The following PLAGL1 variants were observed in gnomAD, a reference collection of about 807,000 sequenced individuals.
PLAGL1 encodes zinc finger protein PLAGL1.
PLAGL1 carries 1 observed loss-of-function variant against 4.6 expected under a neutral mutation model. That is an observed-to-expected ratio of 0.22 (90% confidence interval 0.08 to 1.03). PLAGL1 has a LOEUF of 1.03. Among genes scored for constraint, PLAGL1 ranks in the 50% least tolerant of loss-of-function variants. The probability of loss-of-function intolerance (pLI) is 0.58; values close to 1 mark genes in which losing one functional copy is unlikely to be tolerated. For synonymous variants in PLAGL1, 240 were observed against 237.8 expected (o/e 1.01, Z -0.08); for missense variants, 464 against 570.4 (o/e 0.81, Z 1.90).
chr6:143,955,744 C>T lies in PLAGL1; in HGVS notation c.-325+4725G>A, dbSNP rs983681169. 2.6e-5 allele frequency among the ~76,000 whole-genome samples: 4 copies of T among 152,024 alleles called. No individual in the cohort carries two copies. Among genetic ancestry groups the T allele is most frequent in the Admixed American group, 1.3e-4 (2 of 15,266 alleles). On this transcript the variant is annotated intron_variant, in intron 6 of 7. Transcript: ENST00000674357. The surrounding 1 kb of genome is among the most constrained non-coding windows in gnomAD (Gnocchi z 4.9). ...TTTTTGATGGTAACTCTGGCAGGGA[C>T]GTATAAGACATGCTGGAGGGTGGTG... is the stretch of plus-strand genomic sequence containing the variant.
intron 1 of PLAGL1, among the ~76,000 whole-genome samples, chr6:144,054,983 G>A (rs1798862783): frequency 6.6e-6 from 1 of 152,068 alleles, no homozygotes; most frequent in African/African-American, 2.4e-5. Flanking sequence ...GTTTGGACAT[G>A]TACAAATTAA....
In PLAGL1 at chr6:143,954,018, G is replaced by A. The variant is rs1781586031; in HGVS notation, c.-324-5558C>T. On this transcript the variant is annotated intron_variant, in intron 6 of 7. Transcript: ENST00000674357. This position sits in a 1 kb window ranked among gnomAD's most constrained non-coding sequence, Gnocchi z 5.1. Reference sequence around the variant, plus strand: ...GAAAGTGGGGGAGTAGCCTGACACAGGGTGAATGTCCTCTCTCTCAGGGCA... The same window carrying A: ...GAAAGTGGGGGAGTAGCCTGACACAAGGTGAATGTCCTCTCTCTCAGGGCA... Among the ~76,000 whole-genome samples, 1 of 152,180 alleles carries A rather than the reference G, an allele frequency of 6.6e-6. No homozygotes were observed. Among genetic ancestry groups the A allele is most frequent in the Admixed American group, 6.5e-5 (1 of 15,284 alleles).
chr6:144,028,566 G>GGCA (rs1796546780), intron 1 of PLAGL1, among the ~76,000 whole-genome samples: 1 of 152,192 alleles, frequency 6.6e-6, no homozygotes, highest in Non-Finnish European at 1.5e-5. Flanking sequence ...TTTAGGGTAT[G>GGCA]GCTGTAAAGT....
Position 143,975,680 on chromosome 6 carries a change from G to T in PLAGL1, c.-543-6702C>A, listed in dbSNP as rs1000537335. ...TAGGATTTTATGGGGGACAACTAAT[G>T]AACCAAGATCAAACTATTATAAAAG... On this transcript the variant is annotated intron_variant, in intron 2 of 7. Coordinates refer to ENST00000674357, the MANE Select transcript of PLAGL1 (RefSeq NM_001317162.2). This position sits in a 1 kb window ranked among gnomAD's most constrained non-coding sequence, Gnocchi z 5.8. Among the ~76,000 whole-genome samples, 2 of 152,148 alleles carry T rather than the reference G, an allele frequency of 1.3e-5. No individual in the cohort carries two copies. The highest frequency in any genetic ancestry group is 2.4e-5 in the African/African-American group (1 of 41,418).
In PLAGL1 at chr6:143,983,230, G is replaced by A. The variant is rs2128611621; in HGVS notation, c.-544+1905C>T. Among the ~76,000 whole-genome samples the A allele has an allele frequency of 6.6e-6, 1 of 152,314 alleles. No homozygotes were observed. Among genetic ancestry groups the A allele is most frequent in the Non-Finnish European group, 1.5e-5 (1 of 68,030 alleles). ...GGGTCAGTGCTTCTGACAGGTCAAG[G>A]AAGATACAGACTGAGAATTAATGGT... On this transcript the variant is annotated intron_variant, in intron 2 of 7. Coordinates refer to ENST00000674357, the MANE Select transcript of PLAGL1 (RefSeq NM_001317162.2). This position sits in a 1 kb window ranked among gnomAD's most constrained non-coding sequence, Gnocchi z 6.6.
intron 1 of PLAGL1, among the ~76,000 whole-genome samples, chr6:143,992,064 C>T (rs572247324): frequency 3.3e-5 from 5 of 152,110 alleles, no homozygotes; most frequent in East Asian, 1.9e-4. Flanking sequence ...TTTTGGACTT[C>T]GTTGGTTAGC....
Position 144,036,980 on chromosome 6 carries a change from A to G in PLAGL1, c.-151+27488T>C, listed in dbSNP as rs9321958. 0.34 allele frequency: 58,862 copies of G among 172,674 alleles called. 12,098 individuals carry two copies. Among genetic ancestry groups the G allele is most frequent in the South Asian group, 0.46 (3,672 of 7,940 alleles). 10.7% of individuals were successfully genotyped at this position (172,674 alleles called of 1,614,324 possible). ...CCACCTTCATTTGCACATGGAAAGG[A>G]AAACTAAAGGTAGTATCTTAAATCT... On this transcript the variant is annotated intron_variant, in intron 1 of 3. Coordinates refer to the PLAGL1 transcript ENST00000437412. The surrounding 1 kb of genome is among the most constrained non-coding windows in gnomAD (Gnocchi z 5.1).
In PLAGL1 at chr6:143,995,559, TG is replaced by T. The variant is rs1311768166; in HGVS notation, c.-583-10386del. 1.3e-5 allele frequency among the ~76,000 whole-genome samples: 2 copies of T among 152,208 alleles called. No homozygotes were observed. The highest frequency in any genetic ancestry group is 2.9e-5 in the Non-Finnish European group (2 of 68,032). ...ATTATGTTTACCTCCTATAAATATT[TG>T]TTGAATAAATTTATGAATGTTTTCT... On this transcript the variant is annotated intron_variant, in intron 1 of 7. Transcript: ENST00000674357. This position sits in a 1 kb window ranked among gnomAD's most constrained non-coding sequence, Gnocchi z 4.4.
At chr6:144,046,081 A>T (rs1193172569) in intron 1 of PLAGL1, among the ~76,000 whole-genome samples, 1 of 152,098 alleles carries the variant, frequency 6.6e-6, no homozygotes, top group Non-Finnish European at 1.5e-5. Flanking sequence ...TGAGCCATTC[A>T]TCTAATCTTT....
rs144792975 is a variant in PLAGL1, at chr6:144,016,014, T to G, written c.-150-47036A>C. Among the ~76,000 whole-genome samples, 1 of 152,028 alleles carries G rather than the reference T, an allele frequency of 6.6e-6. No homozygotes were observed. The highest frequency in any genetic ancestry group is 1.5e-5 in the Non-Finnish European group (1 of 68,022). On this transcript the variant is annotated intron_variant, in intron 1 of 3. Coordinates refer to the PLAGL1 transcript ENST00000437412. This position sits in a 1 kb window ranked among gnomAD's most constrained non-coding sequence, Gnocchi z 4.2. ...TGCTGATACTGTCAACACAGATGAA[T>G]CAAAACAACAACAACACTGTGCGGA...
At chr6:144,060,588 G>T (rs1290929233) in intron 1 of PLAGL1, among the ~76,000 whole-genome samples, 1 of 152,170 alleles carries the variant, frequency 6.6e-6, no homozygotes, top group East Asian at 1.9e-4. Flanking sequence ...GTGATCTATG[G>T]AGATTAAATC....
intron 1 of PLAGL1, among the ~76,000 whole-genome samples, chr6:144,029,520 T>C (rs1338947802): frequency 6.6e-6 from 1 of 152,244 alleles, no homozygotes; most frequent in Non-Finnish European, 1.5e-5. Flanking sequence ...TCGTGAAGAA[T>C]AGAGAGCTAG....
chr6:143,983,653 TG>T lies in PLAGL1; in HGVS notation c.-544+1481del, dbSNP rs573390243. ...AAAGGGGAGGGACAGAGAAGATGAG[TG>T]GATGAGTGATTTTAATGAGAGGGTA... On this transcript the variant is annotated intron_variant, in intron 2 of 7. Coordinates refer to ENST00000674357, the MANE Select transcript of PLAGL1 (RefSeq NM_001317162.2). The surrounding 1 kb of genome is among the most constrained non-coding windows in gnomAD (Gnocchi z 6.6). Among the ~76,000 whole-genome samples, 576 of 151,222 alleles carry T rather than the reference TG, an allele frequency of 3.8e-3. 1 individual carries two copies. Among genetic ancestry groups the T allele is most frequent in the Non-Finnish European group, 6.5e-3 (443 of 67,776 alleles).
intron 2 of PLAGL1, among the ~76,000 whole-genome samples, chr6:143,980,072 A>G (rs1252639446): frequency 6.6e-6 from 1 of 152,046 alleles, no homozygotes; most frequent in Non-Finnish European, 1.5e-5. Flanking sequence ...ATTCCTTCTG[A>G]CAGGAAGCCT....
chr6:143,973,954 T>A lies in PLAGL1; in HGVS notation c.-543-4976A>T, dbSNP rs1254428825. On this transcript the variant is annotated intron_variant, in intron 2 of 7. Coordinates refer to ENST00000674357, the MANE Select transcript of PLAGL1 (RefSeq NM_001317162.2). This position sits in a 1 kb window ranked among gnomAD's most constrained non-coding sequence, Gnocchi z 6.2. ...AAGTGTGAACAGAGATATAACAGGTTTTTTTGGATCCAGGTAATCACCCAA... is the reference window on the plus strand; with the variant it reads ...AAGTGTGAACAGAGATATAACAGGTATTTTTGGATCCAGGTAATCACCCAA... Among the ~76,000 whole-genome samples the A allele has an allele frequency of 6.6e-6, 1 of 152,208 alleles. No individual in the cohort carries two copies. The highest frequency in any genetic ancestry group is 1.5e-5 in the Non-Finnish European group (1 of 68,034).
In PLAGL1 at chr6:143,985,982, T is replaced by TTATATATATA. The variant is rs55768066; in HGVS notation, c.-583-818_-583-809dup. Among the ~76,000 whole-genome samples, 1,712 of 111,430 alleles carry TTATATATATA rather than the reference T, an allele frequency of 0.015. 68 individuals carry two copies. The highest frequency in any genetic ancestry group is 0.031 in the Middle Eastern group (7 of 226). 73.1% of individuals were successfully genotyped at this position (111,430 alleles called of 152,430 possible). ...TATATCAAATTATATATATATAAAA[T>TTATATATATA]TATATATATATATATATATATATAT... On this transcript the variant is annotated intron_variant, in intron 1 of 7. Coordinates refer to ENST00000674357, the MANE Select transcript of PLAGL1 (RefSeq NM_001317162.2). This position sits in a 1 kb window ranked among gnomAD's most constrained non-coding sequence, Gnocchi z 4.4.
In PLAGL1 at chr6:143,973,775, G is replaced by A. The variant is rs1467154419; in HGVS notation, c.-543-4797C>T. ...GCTACACCCAATAAGCTACTACAAC[G>A]TGATGAATTCAGAGCTGCAGTTTCT... On this transcript the variant is annotated intron_variant, in intron 2 of 7. Coordinates refer to ENST00000674357, the MANE Select transcript of PLAGL1 (RefSeq NM_001317162.2). The surrounding 1 kb of genome is among the most constrained non-coding windows in gnomAD (Gnocchi z 6.2). Among the ~76,000 whole-genome samples the A allele has an allele frequency of 2.6e-5, 4 of 152,198 alleles. No homozygotes were observed. The highest frequency in any genetic ancestry group is 1.9e-4 in the East Asian group (1 of 5,200).
At chr6:143,987,906 C>T (rs1257945227) in intron 1 of PLAGL1, among the ~76,000 whole-genome samples, 1 of 152,184 alleles carries the variant, frequency 6.6e-6, no homozygotes, top group African/African-American at 2.4e-5. Context: ...TCATTTATCT[C>T]CAATTCTTCT....
At chr6:144,001,180 A>T (rs1792781788) in intron 1 of PLAGL1, among the ~76,000 whole-genome samples, 1 of 152,072 alleles carries the variant, frequency 6.6e-6, no homozygotes, top group African/African-American at 2.4e-5. Context: ...ATGATAAAAA[A>T]AAAAAAATAA....
Sources: gnomAD v4.1 joint callset for allele counts (sites outside exome capture counted in the v4.1 genomes callset) on GRCh38, gnomAD v4.1.1 for gene constraint, Gnocchi (gnomAD v3.1) non-coding constraint, MANE v1.5 for transcripts, NCBI Gene and HGNC (gene_info 2026-07-23, HGNC 2026-07-21) for gene names.